The following ENTREP2 variants were observed in gnomAD, a reference collection of about 807,000 sequenced individuals.
The protein encoded by ENTREP2 is protein ENTREP2.
At chr15:29,351,268 T>G in the ENTREP2 span, among the ~76,000 whole-genome samples, 1 of 152,206 alleles carries the variant, frequency 6.6e-6, no homozygotes, top group African/African-American at 2.4e-5. Context: ...TCTAAGCATA[T>G]CTAAACATAG....
the ENTREP2 span, among the ~76,000 whole-genome samples, chr15:29,494,807 T>C: frequency 3.9e-5 from 6 of 152,234 alleles, no homozygotes; most frequent in African/African-American, 1.4e-4. Flanking sequence ...TCCTCCAGGC[T>C]TATCCATGTT....
the ENTREP2 span, among the ~76,000 whole-genome samples, chr15:29,408,055 T>C: frequency 1.1e-4 from 16 of 152,280 alleles, no homozygotes; most frequent in South Asian, 3.3e-3. Flanking sequence ...TGAGGGACCC[T>C]ACACGTTTAA....
chr15:29,608,261 C>T, the ENTREP2 span, among the ~76,000 whole-genome samples: 1 of 152,054 alleles, frequency 6.6e-6, no homozygotes, highest in African/African-American at 2.4e-5. Context: ...TCACAAAGGC[C>T]ATGTTAAGGA....
the ENTREP2 span, among the ~76,000 whole-genome samples, chr15:29,285,451 C>T: frequency 9.4e-3 from 1,438 of 152,174 alleles, 18 homozygotes; most frequent in African/African-American, 0.032. Flanking sequence ...ACAGCCTTTC[C>T]CAAAACATTT....
the ENTREP2 span, among the ~76,000 whole-genome samples, chr15:29,571,152 G>A: frequency 1.3e-5 from 2 of 150,498 alleles, no homozygotes; most frequent in African/African-American, 2.4e-5. Context: ...AGAGGGGCGG[G>A]GAAGGCGCAG....
the ENTREP2 span, among the ~76,000 whole-genome samples, chr15:29,237,547 G>A: frequency 6.6e-6 from 1 of 152,128 alleles, no homozygotes; most frequent in Non-Finnish European, 1.5e-5. Context: ...TATGATTGAT[G>A]AGCACATGAA....
At chr15:29,437,683 TA>T in the ENTREP2 span, among the ~76,000 whole-genome samples, 2 of 152,234 alleles carry the variant, frequency 1.3e-5, no homozygotes, top group African/African-American at 4.8e-5. Context: ...GTAGGTTGGA[TA>T]AAATGTGCTT....
chr15:29,223,942 C>G, the ENTREP2 span, among the ~76,000 whole-genome samples: 1 of 152,312 alleles, frequency 6.6e-6, no homozygotes, highest in East Asian at 1.9e-4. Context: ...AGCTCGCGCC[C>G]AGCTCTGCCT....
At chr15:29,639,098 A>G in the ENTREP2 span, among the ~76,000 whole-genome samples, 1 of 152,246 alleles carries the variant, frequency 6.6e-6, no homozygotes, top group South Asian at 2.1e-4. Flanking sequence ...TAACTTATCT[A>G]TTAACTCTCT....
At chr15:29,512,780 G>T in the ENTREP2 span, among the ~76,000 whole-genome samples, 61 of 152,248 alleles carry the variant, frequency 4.0e-4, no homozygotes, top group East Asian at 9.7e-3. Flanking sequence ...CCAGTTTATG[G>T]TATCCCATTA....
chr15:29,543,761 A>G, the ENTREP2 span, among the ~76,000 whole-genome samples: 24 of 151,468 alleles, frequency 1.6e-4, no homozygotes, highest in Non-Finnish European at 1.2e-4. Flanking sequence ...CCTGGGCAAC[A>G]GAGCAAGACT....
chr15:29,351,006 C>A, the ENTREP2 span, among the ~76,000 whole-genome samples: 1 of 152,142 alleles, frequency 6.6e-6, no homozygotes, highest in Non-Finnish European at 1.5e-5. Context: ...TAAGAGAACA[C>A]ATCAATGCAG....
the ENTREP2 span, among the ~76,000 whole-genome samples, chr15:29,600,079 C>T: frequency 6.6e-6 from 1 of 152,172 alleles, no homozygotes; most frequent in Non-Finnish European, 1.5e-5. Context: ...GTGAGGGTAG[C>T]CTCTATACGG....
the ENTREP2 span, among the ~76,000 whole-genome samples, chr15:29,526,645 T>A: frequency 6.6e-6 from 1 of 151,974 alleles, no homozygotes; most frequent in Non-Finnish European, 1.5e-5. Context: ...AAAATTTTTT[T>A]TTTTTTAAAG....
chr15:29,396,584 T>G, the ENTREP2 span, among the ~76,000 whole-genome samples: 1 of 152,224 alleles, frequency 6.6e-6, no homozygotes, highest in African/African-American at 2.4e-5. Context: ...CTCTTAATAG[T>G]GTCCTTTGAT....
At chr15:29,268,382 T>G in the ENTREP2 span, 1 of 167,792 alleles carries the variant, frequency 6.0e-6, no homozygotes, top group African/African-American at 2.4e-5. Flanking sequence ...AATTATTTTT[T>G]TTAATTTTAT....
chr15:29,534,690 A>G, the ENTREP2 span, among the ~76,000 whole-genome samples: 3 of 152,204 alleles, frequency 2.0e-5, no homozygotes. Context: ...GCACCCTATA[A>G]AAACGTGGCA....
the ENTREP2 span, among the ~76,000 whole-genome samples, chr15:29,283,158 G>T: frequency 6.6e-6 from 1 of 152,144 alleles, no homozygotes; most frequent in African/African-American, 2.4e-5. Context: ...GCCAATCTGG[G>T]GGCTCTGGAG....
the ENTREP2 span, among the ~76,000 whole-genome samples, chr15:29,579,743 C>A: frequency 8.3e-6 from 1 of 120,304 alleles, no homozygotes. Flanking sequence ...CGGAGTCTCA[C>A]TCTGTCGCCC....
Sources: allele counts gnomAD v4.1 joint callset (sites outside exome capture counted in the v4.1 genomes callset), GRCh38; gene constraint gnomAD v4.1.1; transcripts MANE v1.5; gene names NCBI Gene and HGNC (gene_info 2026-07-23, HGNC 2026-07-21).